SOX5: variants seen among roughly 807,000 people sequenced by gnomAD.
The protein encoded by SOX5 is SRY-box transcription factor 5, also known as transcription factor SOX-5.
A neutral mutation model predicts 92.0 loss-of-function variants in SOX5; 9 were observed. The observed-to-expected ratio is 0.10, with a 90% CI of 0.06 to 0.17. SOX5 has a LOEUF of 0.17. Ranked by LOEUF, SOX5 falls within the 10% of genes least tolerant of loss-of-function variation. The pLI is 1.00. For missense variants in SOX5, 642 were observed against 944.5 expected, an observed-to-expected ratio of 0.68 and a Z score of 4.20; for synonymous variants, 344 against 336.3, an observed-to-expected ratio of 1.02 and a Z score of -0.25.
At chr12:24,319,511 T>C (rs1315826215) in intron 2 of SOX5, among the ~76,000 whole-genome samples, 1 of 152,180 alleles carries the variant, frequency 6.6e-6, no homozygotes, top group Non-Finnish European at 1.5e-5. Context: ...CCCCTAACTA[T>C]CTTAAAAGTC....
At chr12:24,076,647 T>A (rs1235778061) in intron 4 of SOX5, among the ~76,000 whole-genome samples, 3 of 151,596 alleles carry the variant, frequency 2.0e-5, no homozygotes, top group Non-Finnish European at 4.4e-5. Flanking sequence ...TGCATTTGAA[T>A]TCTATAGATA....
At chr12:23,956,635 G>A (rs1449753321) in intron 4 of SOX5, among the ~76,000 whole-genome samples, 1 of 152,026 alleles carries the variant, frequency 6.6e-6, no homozygotes, top group African/African-American at 2.4e-5. Flanking sequence ...GCTGCACTAA[G>A]GGAGCCTCTA....
chr12:24,497,269 A>C (rs911803058), intron 1 of SOX5, among the ~76,000 whole-genome samples: 7 of 152,342 alleles, frequency 4.6e-5, no homozygotes, highest in Admixed American at 4.6e-4. Flanking sequence ...TACAAGGGGA[A>C]AAAAAGCAGA....
At position 23,761,762 on chromosome 12, in the gene SOX5, G is replaced by C. The variant is rs574887715; in HGVS notation, c.482-6038C>G. On this transcript the variant is annotated intron_variant, in intron 3 of 14. Coordinates refer to ENST00000451604, the MANE Select transcript of SOX5 (RefSeq NM_006940.6). ...GCTTAAATTAGTAATTATTTGATAG[G>C]TGGTACTGTGGGCTAGTCTGTTTTA... Among the ~76,000 whole-genome samples the C allele has an allele frequency of 3.9e-5, 6 of 152,170 alleles. No homozygotes were observed. In the South Asian group the frequency reaches 1.0e-3, roughly 26 times the overall value.
intron 2 of SOX5, among the ~76,000 whole-genome samples, chr12:23,863,523 G>C (rs953576296): frequency 6.6e-6 from 1 of 152,024 alleles, no homozygotes; most frequent in African/African-American, 2.4e-5. Flanking sequence ...GTGTCATATG[G>C]CTTCTCATCG....
chr12:24,117,343 C>G (rs543070237), intron 4 of SOX5, among the ~76,000 whole-genome samples: 6 of 152,056 alleles, frequency 3.9e-5, no homozygotes, highest in Admixed American at 6.6e-5. Flanking sequence ...AAAAGGGAAC[C>G]CTTGTACACT....
At chr12:23,633,451 AAT>A (rs1486781058) in intron 8 of SOX5, among the ~76,000 whole-genome samples, 2 of 152,110 alleles carry the variant, frequency 1.3e-5, no homozygotes, top group Non-Finnish European at 1.5e-5. Context: ...GTTTTGTGTA[AAT>A]AGTGATATTC....
chr12:24,128,323 C>G (rs944594734), intron 4 of SOX5, among the ~76,000 whole-genome samples: 6 of 152,016 alleles, frequency 3.9e-5, no homozygotes, highest in African/African-American at 1.2e-4. Context: ...TTAACAGGAC[C>G]CTGTGAATGA....
At chr12:24,548,984 T>C (rs1468020708) in intron 1 of SOX5, among the ~76,000 whole-genome samples, 1 of 152,228 alleles carries the variant, frequency 6.6e-6, no homozygotes, top group Non-Finnish European at 1.5e-5. Flanking sequence ...TCTCCATCTA[T>C]TTCCCTTCCA....
At chr12:24,317,640 T>G (rs1565892805) in intron 2 of SOX5, among the ~76,000 whole-genome samples, 1 of 152,172 alleles carries the variant, frequency 6.6e-6, no homozygotes, top group Non-Finnish European at 1.5e-5. Flanking sequence ...ACAATCTCCA[T>G]CTCAAAGAGC....
At position 23,717,268 on chromosome 12, in the gene SOX5, A is replaced by G. The variant is rs370410991; in HGVS notation, c.810+17416T>C. The stretch of plus-strand genomic sequence containing the variant: ...TCATATATCTTGCATAAATATTAAC[A>G]CCATTACTGAACTTTAAAAGGCCAA... On this transcript the variant is annotated intron_variant, in intron 6 of 14. Transcript: ENST00000451604. Among the ~76,000 whole-genome samples, 167 of 152,192 alleles carry G rather than the reference A, an allele frequency of 1.1e-3. 5 individuals are homozygous for G. The South Asian group carries it at 0.033, about 30-fold the overall frequency.
At chr12:24,132,584 T>C (rs922087274) in intron 4 of SOX5, among the ~76,000 whole-genome samples, 3 of 152,178 alleles carry the variant, frequency 2.0e-5, no homozygotes, top group South Asian at 2.1e-4. Flanking sequence ...AGTATCCGTA[T>C]ACTTGGGTTA....
intron 4 of SOX5, among the ~76,000 whole-genome samples, chr12:24,022,342 G>C (rs1954390601): frequency 6.6e-6 from 1 of 152,128 alleles, no homozygotes; most frequent in African/African-American, 2.4e-5. Flanking sequence ...TAGTCTGAAA[G>C]GGACATGAGT....
At chr12:24,287,641 T>C (rs1946060861) in intron 2 of SOX5, among the ~76,000 whole-genome samples, 1 of 149,424 alleles carries the variant, frequency 6.7e-6, no homozygotes, top group Non-Finnish European at 1.5e-5. Flanking sequence ...GTTCTTCTAG[T>C]TATTTTCAAG....
intron 3 of SOX5, among the ~76,000 whole-genome samples, chr12:23,813,010 A>G (rs979816712): frequency 6.6e-6 from 1 of 152,218 alleles, no homozygotes; most frequent in African/African-American, 2.4e-5. Flanking sequence ...TGTCTAAACA[A>G]CAGCAAAAAA....
intron 7 of SOX5, among the ~76,000 whole-genome samples, chr12:23,663,087 G>A (rs990849801): frequency 1.7e-4 from 26 of 152,080 alleles, no homozygotes; most frequent in Admixed American, 1.4e-3. Flanking sequence ...GGAGGACATC[G>A]TCTGGACTAC....
intron 4 of SOX5, among the ~76,000 whole-genome samples, chr12:23,995,449 C>T (rs1294893908): frequency 2.0e-5 from 3 of 152,160 alleles, no homozygotes; most frequent in Non-Finnish European, 4.4e-5. Flanking sequence ...AATCCCAGCA[C>T]TCTGGGAGGC....
intron 4 of SOX5, among the ~76,000 whole-genome samples, chr12:24,049,570 G>T (rs1957351876): frequency 6.8e-6 from 1 of 147,290 alleles, no homozygotes; most frequent in Non-Finnish European, 1.5e-5. Flanking sequence ...AAAACATCAT[G>T]TTGTGGCAAA....
At chr12:23,932,908 C>G (rs1187581804) in intron 1 of SOX5, among the ~76,000 whole-genome samples, 1 of 151,560 alleles carries the variant, frequency 6.6e-6, no homozygotes, top group African/African-American at 2.4e-5. Context: ...TGTTACTTTG[C>G]AAGTGGAAAA....
Sources: allele counts gnomAD v4.1 joint callset (sites outside exome capture counted in the v4.1 genomes callset), GRCh38; gene constraint gnomAD v4.1.1; transcripts MANE v1.5; gene names NCBI Gene and HGNC (gene_info 2026-07-23, HGNC 2026-07-21).